RELN: variants seen among roughly 807,000 people sequenced by gnomAD.
RELN encodes reelin.
In RELN, 108 loss-of-function variants were observed where a neutral mutation model predicts 427.6. The observed-to-expected ratio is 0.25, with a 90% CI of 0.22 to 0.30. The LOEUF (loss-of-function observed/expected upper bound fraction) is 0.30, where lower values mean the gene tolerates loss of function less well. RELN is among the 10% of genes least tolerant of loss of function. RELN has a pLI of 1.00. For missense variants in RELN, 3,715 were observed against 4,302.8 expected (o/e 0.86, Z 3.82); for synonymous variants, 1,524 against 1,513.4 (o/e 1.01, Z -0.16).
chr7:103,639,361 G>A (rs902539504), intron 17 of RELN, among the ~76,000 whole-genome samples: 1 of 151,358 alleles, frequency 6.6e-6, no homozygotes, highest in Non-Finnish European at 1.5e-5. Context: ...GTCAACAAGC[G>A]CTTGGCTCAT....
At chr7:103,686,571 G>T (rs1833768731) in intron 10 of RELN, among the ~76,000 whole-genome samples, 1 of 150,916 alleles carries the variant, frequency 6.6e-6, no homozygotes, top group African/African-American at 2.5e-5. Context: ...TAATTAAAAT[G>T]GCATTGTTGG....
intron 10 of RELN, among the ~76,000 whole-genome samples, chr7:103,684,009 G>C (rs768034827): frequency 6.6e-6 from 1 of 152,100 alleles, no homozygotes; most frequent in South Asian, 2.1e-4. Flanking sequence ...TGTTCTCAAG[G>C]TTTGCAGTGG....
In RELN at chr7:103,558,141, T is replaced by TA. The variant is rs1477552552; in HGVS notation, c.5530-93dup. ...ATACACCTAACTTGCATTAGCTAAG[T>TA]AATAAATACATATCATGATCAAGAA... On this transcript the variant is annotated intron_variant, in intron 36 of 64. Transcript: ENST00000428762. 4 of 705,188 alleles carry TA rather than the reference T, an allele frequency of 5.7e-6. No individual in the cohort carries two copies. In the African/African-American group the frequency reaches 7.1e-5, roughly 12 times the overall value. 43.7% of individuals were successfully genotyped at this position (705,188 alleles called of 1,614,324 possible).
At chr7:103,811,591 G>C (rs1453767211) in intron 3 of RELN, among the ~76,000 whole-genome samples, 4 of 152,176 alleles carry the variant, frequency 2.6e-5, no homozygotes, top group African/African-American at 9.6e-5. Context: ...CACTTCTGCA[G>C]AGTGGCTAAG....
intron 1 of RELN, among the ~76,000 whole-genome samples, chr7:103,947,501 T>C (rs1270062287): frequency 2.6e-5 from 4 of 152,184 alleles, no homozygotes; most frequent in South Asian, 2.1e-4. Context: ...ATGGAAAAGA[T>C]AGCCATCTAC....
At chr7:103,600,871 T>C (rs564961838) in intron 24 of RELN, among the ~76,000 whole-genome samples, 66 of 152,334 alleles carry the variant, frequency 4.3e-4, no homozygotes, top group South Asian at 3.7e-3. Context: ...TCAACTATGA[T>C]ACCTAACACA....
intron 57 of RELN, among the ~76,000 whole-genome samples, chr7:103,492,655 C>T (rs1828710124): frequency 6.6e-6 from 1 of 152,066 alleles, no homozygotes; most frequent in Non-Finnish European, 1.5e-5. Flanking sequence ...GCCATACAGT[C>T]ATGAATAAAA....
chr7:103,518,915 T>A (rs1829637039), intron 49 of RELN, among the ~76,000 whole-genome samples: 2 of 152,186 alleles, frequency 1.3e-5, no homozygotes, highest in African/African-American at 4.8e-5. Flanking sequence ...CTAGGCTTCT[T>A]AAGGATATTT....
chr7:103,530,844 C>T (rs2283020), intron 46 of RELN, among the ~76,000 whole-genome samples: 2 of 152,126 alleles, frequency 1.3e-5, no homozygotes, highest in Admixed American at 1.3e-4. Context: ...TGCAGCATTT[C>T]TAGCCCATTC....
chr7:103,862,414 TCTATCTATCTATC>T (rs1295956967), intron 2 of RELN, among the ~76,000 whole-genome samples: 2 of 62,732 alleles, frequency 3.2e-5, no homozygotes, highest in Non-Finnish European at 8.8e-5. Context: ...TTTTGTTCTA[TCTATCTATCTATC>T]TATCTATCTA....
At chr7:103,859,713 A>G (rs1794028749) in intron 2 of RELN, among the ~76,000 whole-genome samples, 2 of 152,202 alleles carry the variant, frequency 1.3e-5, no homozygotes, top group Admixed American at 1.3e-4. Context: ...CCATAGTGAA[A>G]CAACTTTATG....
intron 8 of RELN, among the ~76,000 whole-genome samples, chr7:103,712,924 A>T (rs1239159640): frequency 2.6e-5 from 4 of 151,984 alleles, no homozygotes; most frequent in African/African-American, 9.7e-5. Context: ...CAATCCCAGG[A>T]CTTTTCAAAG....
intron 16 of RELN, among the ~76,000 whole-genome samples, chr7:103,645,614 G>A (rs560159503): frequency 2.5e-4 from 38 of 151,784 alleles, no homozygotes; most frequent in East Asian, 1.2e-3. Flanking sequence ...ACACTGGAAC[G>A]TACAGATTCA....
intron 4 of RELN, among the ~76,000 whole-genome samples, chr7:103,771,041 G>A (rs535911234): frequency 2.0e-5 from 3 of 151,214 alleles, no homozygotes; most frequent in African/African-American, 7.3e-5. Context: ...TCGGCTTCTG[G>A]AGTAGCTGGG....
At chr7:103,643,624 T>TA (rs1436433030) in intron 16 of RELN, among the ~76,000 whole-genome samples, 1 of 151,548 alleles carries the variant, frequency 6.6e-6, no homozygotes. Flanking sequence ...CTTAAAGTAT[T>TA]AAAAAAAAGA....
chr7:103,906,103 GA>G (rs1412705072), intron 2 of RELN, among the ~76,000 whole-genome samples: 1 of 152,096 alleles, frequency 6.6e-6, no homozygotes, highest in Admixed American at 6.6e-5. Context: ...TAGGTGTCTG[GA>G]AAAGAGGCTG....
chr7:103,944,353 C>A (rs755055097), intron 1 of RELN, among the ~76,000 whole-genome samples: 11 of 152,156 alleles, frequency 7.2e-5, no homozygotes, highest in Non-Finnish European at 1.2e-4. Context: ...AGGAAGAACA[C>A]TCTGACACCG....
At chr7:103,570,655 C>T (rs950702421) in intron 31 of RELN, among the ~76,000 whole-genome samples, 3 of 152,232 alleles carry the variant, frequency 2.0e-5, no homozygotes, top group Non-Finnish European at 4.4e-5. Flanking sequence ...GGTAGGTTTA[C>T]GCTTCTTTTC....
chr7:103,776,015 G>A (rs1161950091), intron 4 of RELN, among the ~76,000 whole-genome samples: 1 of 152,194 alleles, frequency 6.6e-6, no homozygotes, highest in Non-Finnish European at 1.5e-5. Flanking sequence ...CTTTTTCATT[G>A]TGCTGTGTTT....
Sources: allele counts gnomAD v4.1 joint callset (sites outside exome capture counted in the v4.1 genomes callset), GRCh38; gene constraint gnomAD v4.1.1; transcripts MANE v1.5; gene names NCBI Gene and HGNC (gene_info 2026-07-23, HGNC 2026-07-21).